Variants in KCNIP1 observed in about 807,000 individuals in gnomAD.
KCNIP1 encodes A-type potassium channel modulatory protein KCNIP1.
KCNIP1 carries 18 observed loss-of-function variants against 33.0 expected under a neutral mutation model. The ratio of observed to expected loss-of-function variants is 0.55; its 90% CI spans 0.38 to 0.81. The LOEUF (loss-of-function observed/expected upper bound fraction) is 0.81. Among genes scored for constraint, KCNIP1 ranks in the 30% least tolerant of loss-of-function variants. KCNIP1 has a pLI of 0.00. For missense variants in KCNIP1, 238 were observed against 271.6 expected (o/e 0.88, Z 0.87); for synonymous variants, 93 against 98.3 (o/e 0.95, Z 0.32).
chr5:170,445,849 T>C (rs1337778180), intron 1 of KCNIP1, among the ~76,000 whole-genome samples: 2 of 152,136 alleles, frequency 1.3e-5, no homozygotes, highest in Non-Finnish European at 2.9e-5. Context: ...TTGGGCAACA[T>C]TGTTCCTTCA....
chr5:170,664,429 T>A (rs759902962), intron 1 of KCNIP1, among the ~76,000 whole-genome samples: 2 of 152,176 alleles, frequency 1.3e-5, no homozygotes, highest in Non-Finnish European at 2.9e-5. Context: ...ATCTCCCCAC[T>A]GCACTATAAG....
intron 1 of KCNIP1, among the ~76,000 whole-genome samples, chr5:170,380,095 G>A (rs1292871838): frequency 6.6e-6 from 1 of 152,222 alleles, no homozygotes; most frequent in Non-Finnish European, 1.5e-5. Flanking sequence ...ATTGAAAAGA[G>A]TTTTGTGCCA....
chr5:170,678,919 T>A (rs573590702), intron 1 of KCNIP1: 2 of 152,244 alleles, frequency 1.3e-5, no homozygotes, highest in Non-Finnish European at 2.9e-5. Flanking sequence ...GAACAAAGTA[T>A]TGACTTACCA....
At chr5:170,604,728 A>G (rs1422465678) in intron 1 of KCNIP1, among the ~76,000 whole-genome samples, 1 of 152,094 alleles carries the variant, frequency 6.6e-6, no homozygotes, top group Non-Finnish European at 1.5e-5. Flanking sequence ...TGCTCAGGGC[A>G]TTTCCCAGAT....
chr5:170,674,430 C>T (rs147099827), intron 1 of KCNIP1, among the ~76,000 whole-genome samples: 164 of 152,260 alleles, frequency 1.1e-3, no homozygotes, highest in African/African-American at 3.7e-3. Context: ...AAATGATTGG[C>T]GCTGACAATC....
intron 1 of KCNIP1, among the ~76,000 whole-genome samples, chr5:170,418,889 C>G (rs1755403659): frequency 6.6e-6 from 1 of 152,222 alleles, no homozygotes; most frequent in African/African-American, 2.4e-5. Flanking sequence ...AGTTCATCCT[C>G]CCCAGTCATA....
chr5:170,493,391 TAGGTTGCATATAGAAGCTAGGA>T (rs1757247209), intron 1 of KCNIP1, among the ~76,000 whole-genome samples: 1 of 152,184 alleles, frequency 6.6e-6, no homozygotes, highest in African/African-American at 2.4e-5. Flanking sequence ...GAAGTTGGAA[TAGGTTGCATATAGAAGCTAGGA>T]AGGTTCCATC....
intron 1 of KCNIP1, among the ~76,000 whole-genome samples, chr5:170,381,629 C>G (rs1436074320): frequency 1.3e-5 from 2 of 152,182 alleles, no homozygotes; most frequent in African/African-American, 4.8e-5. Context: ...CACACCTGGT[C>G]AAGCCTGGGC....
At position 170,638,336 on chromosome 5, in the gene KCNIP1, G is replaced by A. The variant is rs558047467; in HGVS notation, c.62-80422G>A. Reference sequence around the variant, plus strand: ...CCTGCCAGGCACGTGCTGGCCTCCTGCCTGCATCGTAGCTCATGGAGTCCT... The same window carrying A: ...CCTGCCAGGCACGTGCTGGCCTCCTACCTGCATCGTAGCTCATGGAGTCCT... On this transcript the variant is annotated intron_variant, in intron 1 of 7. Transcript: ENST00000328939. 4.6e-5 allele frequency among the ~76,000 whole-genome samples: 7 copies of A among 152,234 alleles called. No individual in the cohort carries two copies. In the South Asian group the frequency reaches 1.5e-3, roughly 32 times the overall value.
chr5:170,692,979 G>A (rs181956197), intron 1 of KCNIP1, among the ~76,000 whole-genome samples: 27 of 152,310 alleles, frequency 1.8e-4, no homozygotes, highest in South Asian at 4.1e-4. Context: ...TGACTTTAGC[G>A]GAGTTTCTGG....
chr5:170,616,799 T>G (rs1759392716), intron 1 of KCNIP1, among the ~76,000 whole-genome samples: 1 of 152,206 alleles, frequency 6.6e-6, no homozygotes. Flanking sequence ...CTATTCCATC[T>G]GCCTGGAACA....
At chr5:170,629,131 C>T (rs1386858850) in intron 1 of KCNIP1, among the ~76,000 whole-genome samples, 1 of 152,216 alleles carries the variant, frequency 6.6e-6, no homozygotes, top group East Asian at 1.9e-4. Context: ...CCCTGACATA[C>T]GCATCGATCT....
intron 1 of KCNIP1, chr5:170,385,267 C>T: frequency 6.2e-7 from 1 of 1,610,812 alleles, no homozygotes; most frequent in Non-Finnish European, 8.5e-7. Flanking sequence ...AGATGCCAGA[C>T]CCTTAGGAGA....
intron 1 of KCNIP1, chr5:170,681,396 G>C (rs903723548): frequency 2.9e-6 from 1 of 349,894 alleles, no homozygotes; most frequent in East Asian, 4.2e-5. Flanking sequence ...GGGGAGTGCG[G>C]GAGCCAGGAA....
intron 1 of KCNIP1, among the ~76,000 whole-genome samples, chr5:170,517,612 T>A (rs1755179239): frequency 1.3e-5 from 2 of 151,716 alleles, no homozygotes; most frequent in African/African-American, 4.8e-5. Flanking sequence ...GTGATGATGA[T>A]GATAATAGTA....
intron 1 of KCNIP1, among the ~76,000 whole-genome samples, chr5:170,460,797 C>T (rs1253527317): frequency 6.6e-6 from 1 of 152,074 alleles, no homozygotes; most frequent in Non-Finnish European, 1.5e-5. Flanking sequence ...TAATGGAAGT[C>T]CTAGCCAGAG....
At chr5:170,427,255 G>A (rs1354329131) in intron 1 of KCNIP1, among the ~76,000 whole-genome samples, 3 of 152,272 alleles carry the variant, frequency 2.0e-5, no homozygotes, top group South Asian at 2.1e-4. Context: ...TAGGACTATC[G>A]ACCAGAACCC....
chr5:170,730,136 T>G (rs1268542917), intron 5 of KCNIP1, among the ~76,000 whole-genome samples: 1 of 152,142 alleles, frequency 6.6e-6, no homozygotes, highest in Non-Finnish European at 1.5e-5. Flanking sequence ...TATCTCAATT[T>G]TATAAACAAC....
At chr5:170,385,222 A>G in intron 1 of KCNIP1, 2 of 1,388,720 alleles carry the variant, frequency 1.4e-6, no homozygotes, top group Non-Finnish European at 2.0e-6. Flanking sequence ...ATGAGGGTCA[A>G]GGAGAGGGGT....
Sources: allele counts gnomAD v4.1 joint callset (sites outside exome capture counted in the v4.1 genomes callset), GRCh38; gene constraint gnomAD v4.1.1; transcripts MANE v1.5; gene names NCBI Gene and HGNC (gene_info 2026-07-23, HGNC 2026-07-21).